The following GAD2 variants were observed in gnomAD, a reference collection of about 807,000 sequenced individuals.
GAD2 encodes the protein 65 kDa glutamic acid decarboxylase.
In GAD2, 22 loss-of-function variants were observed where a neutral mutation model predicts 80.1. The observed-to-expected ratio is 0.27, with a 90% CI of 0.20 to 0.39. The LOEUF is 0.39. GAD2 is among the 10% of genes least tolerant of loss of function. GAD2 has a pLI of 1.00. For synonymous variants in GAD2, 274 were observed against 256.9 expected (o/e 1.07, Z -0.64); for missense variants, 624 against 738.4 (o/e 0.85, Z 1.80).
intron 15 of GAD2, among the ~76,000 whole-genome samples, chr10:26,298,195 AT>A (rs1834295015): frequency 6.6e-6 from 1 of 152,164 alleles, no homozygotes; most frequent in South Asian, 2.1e-4. Context: ...ATCATTAGGA[AT>A]TTAGTAATTT....
chr10:26,242,380 T>G (rs1219846412), intron 7 of GAD2, among the ~76,000 whole-genome samples: 2 of 152,060 alleles, frequency 1.3e-5, no homozygotes, highest in Admixed American at 6.5e-5. Flanking sequence ...TGGTTGTTCT[T>G]CAGACACTCT....
chr10:26,287,803 A>G (rs1845351392), intron 13 of GAD2, among the ~76,000 whole-genome samples: 1 of 152,212 alleles, frequency 6.6e-6, no homozygotes, highest in Non-Finnish European at 1.5e-5. Flanking sequence ...AACATTCACA[A>G]GGGAAATCTG....
intron 9 of GAD2, 40 bp downstream of exon 9, chr10:26,269,213 A>G (rs145562524): frequency 6.6e-7 from 1 of 1,513,994 alleles, no homozygotes; most frequent in Non-Finnish European, 9.0e-7. Flanking sequence ...CCATATTTCT[A>G]TTTCCATCCA....
chr10:26,218,551 T>TCTCACACACACG (rs748110324), intron 3 of GAD2, among the ~76,000 whole-genome samples: 1 of 118,780 alleles, frequency 8.4e-6, no homozygotes, highest in Non-Finnish European at 1.7e-5. Flanking sequence ...TCTCTCTCTC[T>TCTCACACACACG]CACACACACA....
chr10:26,217,919 G>A lies in GAD2; in HGVS notation c.214G>A (p.Ala72Thr), dbSNP rs1844400215. The A allele has an allele frequency of 6.2e-7, 1 of 1,611,332 alleles. No individual in the cohort carries two copies. The highest frequency in any genetic ancestry group is 8.5e-7 in the Non-Finnish European group (1 of 1,179,094). ...CCCGCGGGCCGCCGCCCGGAAGGCC[G>A]CCTGCGCCTGCGACCAGAAGCCCTG... is the stretch of plus-strand genomic sequence containing the variant. ...QPPRAAARKA[A>T]CACDQKPCSC... Residue 72 changes from alanine (A) to threonine (T), a missense_variant, in exon 3 of 16, where the codon GCC (alanine) becomes ACC (threonine). By Grantham distance (58) the Ala-to-Thr change is moderately conservative (BLOSUM62 0). Transcript: ENST00000376261. The surrounding 1 kb of genome is among the most constrained non-coding windows in gnomAD (Gnocchi z 4.9).
chr10:26,273,394 C>T (rs1188611241), intron 10 of GAD2, among the ~76,000 whole-genome samples: 1 of 152,182 alleles, frequency 6.6e-6, no homozygotes, highest in Non-Finnish European at 1.5e-5. Context: ...GTCTTTCTCT[C>T]TCTTCTACGG....
rs145864156 is a variant in GAD2, at chr10:26,259,830, T to C, written c.921-9289T>C. Among the ~76,000 whole-genome samples, 350 of 152,328 alleles carry C rather than the reference T, an allele frequency of 2.3e-3. 2 individuals are homozygous for C. The highest frequency in any genetic ancestry group is 4.5e-3 in the Admixed American group (69 of 15,298). On this transcript the variant is annotated intron_variant, in intron 8 of 15. Transcript: ENST00000376261. ...CCTATGTTTTCTTCTAAGAGTTTTA[T>C]AGTTTTGGTTCTTACATTTAGATCT...
At position 26,270,630 on chromosome 10, in the gene GAD2, G is replaced by T. The variant is rs74767822; in HGVS notation, c.976-10G>T. 8 of 1,598,428 alleles carry T rather than the reference G, an allele frequency of 5.0e-6. No homozygotes were observed. In the East Asian group the frequency reaches 1.6e-4, roughly 31 times the overall value. The stretch of plus-strand genomic sequence containing the variant: ...GTTTTCCATGATTTGGGGCTTTCTC[G>T]TTCGCACAGGGGTTTGTTCCTTTCC... On this transcript the variant is annotated splice_polypyrimidine_tract_variant and intron_variant, in intron 9 of 15. Coordinates refer to ENST00000376261, the MANE Select transcript of GAD2 (RefSeq NM_001134366.2).
At chr10:26,261,191 CAG>C (rs1315626678) in intron 8 of GAD2, among the ~76,000 whole-genome samples, 1 of 152,136 alleles carries the variant, frequency 6.6e-6, no homozygotes, top group Non-Finnish European at 1.5e-5. Context: ...TTTTGGTAGT[CAG>C]AGTGATCATC....
At chr10:26,261,132 A>G (rs1845005031) in intron 8 of GAD2, among the ~76,000 whole-genome samples, 1 of 152,236 alleles carries the variant, frequency 6.6e-6, no homozygotes, top group Non-Finnish European at 1.5e-5. Context: ...TCTAAAATGT[A>G]TCACCTGCTT....
At chr10:26,282,357 C>T (rs1387476433) in intron 12 of GAD2, among the ~76,000 whole-genome samples, 1 of 151,962 alleles carries the variant, frequency 6.6e-6, no homozygotes, top group East Asian at 1.9e-4. Context: ...TTAGAGTCAC[C>T]TCAAATTTGT....
chr10:26,246,650 CATTT>C (rs1472114272), intron 8 of GAD2, among the ~76,000 whole-genome samples: 6 of 152,108 alleles, frequency 3.9e-5, no homozygotes, highest in African/African-American at 1.2e-4. Context: ...CTCAATTGGC[CATTT>C]ATTTATTTAT....
chr10:26,274,754 G>A (rs190778363), intron 11 of GAD2, among the ~76,000 whole-genome samples: 77 of 152,328 alleles, frequency 5.1e-4, no homozygotes, highest in Non-Finnish European at 4.0e-4. Flanking sequence ...GAGAACCCGT[G>A]AGTGTGGAAA....
chr10:26,236,435 G>C (rs1249321263), intron 7 of GAD2, among the ~76,000 whole-genome samples: 1 of 151,856 alleles, frequency 6.6e-6, no homozygotes, highest in African/African-American at 2.4e-5. Context: ...CAAGTAGCTG[G>C]AATTACAGGC....
At chr10:26,224,064 T>C (rs1341409534) in intron 5 of GAD2, 87 bp downstream of exon 5, 35 of 945,086 alleles carry the variant, frequency 3.7e-5, no homozygotes, top group Non-Finnish European at 5.7e-5. Context: ...AAATCTGTTT[T>C]TTATTAAGTA....
At chr10:26,275,193 C>A (rs924044428) in intron 11 of GAD2, among the ~76,000 whole-genome samples, 6 of 152,244 alleles carry the variant, frequency 3.9e-5, no homozygotes, top group Admixed American at 3.3e-4. Flanking sequence ...ATGATCAGAA[C>A]AATAATTAAA....
chr10:26,220,403 G>A (rs757217875), intron 4 of GAD2, among the ~76,000 whole-genome samples: 5 of 152,194 alleles, frequency 3.3e-5, no homozygotes, highest in Non-Finnish European at 5.9e-5. Context: ...AATGTTTGCT[G>A]TGAGAAGTTT....
chr10:26,224,518 G>A, intron 5 of GAD2, 21 bp from the exon 6 acceptor site: 2 of 1,374,446 alleles, frequency 1.5e-6, no homozygotes, highest in South Asian at 1.2e-5. Context: ...GAGGTAAAAT[G>A]TGGCCATTAC....
chr10:26,293,043 C>A, intron 15 of GAD2, 52 bp downstream of exon 15: 1 of 1,406,740 alleles, frequency 7.1e-7, no homozygotes, highest in Non-Finnish European at 1.0e-6. Context: ...CTTTCATGTG[C>A]ACATCTTCTT....
Sources: allele counts gnomAD v4.1 joint callset (sites outside exome capture counted in the v4.1 genomes callset), GRCh38; gene constraint gnomAD v4.1.1; non-coding constraint Gnocchi (gnomAD v3.1); transcripts MANE v1.5; gene names NCBI Gene and HGNC (gene_info 2026-07-23, HGNC 2026-07-21).